Variants in TENM4 observed in about 807,000 individuals in gnomAD.
TENM4 encodes teneurin transmembrane protein 4, also known as teneurin-4.
A neutral mutation model predicts 243.3 loss-of-function variants in TENM4; 82 were observed. The observed-to-expected ratio is 0.34, with a 90% CI of 0.28 to 0.40. The LOEUF (loss-of-function observed/expected upper bound fraction) is 0.40. Ranked by LOEUF, TENM4 falls within the 10% of genes least tolerant of loss-of-function variation. The pLI, the probability that TENM4 is intolerant of heterozygous loss-of-function variation, is 1.00. For missense variants in TENM4, 3,138 were observed against 3,673.3 expected, an observed-to-expected ratio of 0.85 and a Z score of 3.77; for synonymous variants, 1,412 against 1,456.3, an observed-to-expected ratio of 0.97 and a Z score of 0.69.
intron 12 of TENM4, among the ~76,000 whole-genome samples, chr11:78,847,914 C>T (rs1322403672): frequency 2.0e-5 from 3 of 152,128 alleles, no homozygotes; most frequent in Admixed American, 1.3e-4. Flanking sequence ...TGCAAATGCA[C>T]TCAGAGGCAA....
intron 20 of TENM4, 71 bp downstream of exon 20, chr11:78,738,380 C>T: frequency 1.3e-6 from 2 of 1,542,872 alleles, no homozygotes; most frequent in Admixed American, 4.0e-5. Flanking sequence ...ATTATCAGTC[C>T]AGCAGCAGCT....
At chr11:79,284,933 A>G (rs1450349404) in intron 2 of TENM4, among the ~76,000 whole-genome samples, 1 of 152,170 alleles carries the variant, frequency 6.6e-6, no homozygotes, top group Non-Finnish European at 1.5e-5. Flanking sequence ...TTGCCATAAG[A>G]ACATGTAAAG....
intron 4 of TENM4, among the ~76,000 whole-genome samples, chr11:79,133,472 G>C: frequency 6.6e-6 from 1 of 152,058 alleles, no homozygotes; most frequent in East Asian, 1.9e-4. Context: ...ACAAGATCGA[G>C]AAAGAAGGAA....
In TENM4 at chr11:78,844,557, G is replaced by A. The variant is rs142408197; in HGVS notation, c.1681+9547C>T. On this transcript the variant is annotated intron_variant, in intron 12 of 33. Transcript: ENST00000278550. ...CTTGGGAGGCTGAGGCAGGAGAATC[G>A]CTTGAACCAGGCAGGTGGAGTTTGC... is the stretch of plus-strand genomic sequence containing the variant. Among the ~76,000 whole-genome samples, 1,515 of 152,046 alleles carry A rather than the reference G, an allele frequency of 1.0e-2. 17 individuals carry two copies. Among genetic ancestry groups the A allele is most frequent in the African/African-American group, 0.034 (1,400 of 41,446 alleles).
At position 79,264,726 on chromosome 11, in the gene TENM4, C is replaced by T. The variant is rs115107661; in HGVS notation, c.-265+32762G>A. Among the ~76,000 whole-genome samples the T allele has an allele frequency of 3.9e-3, 594 of 152,338 alleles. 2 individuals carry two copies. Among genetic ancestry groups the T allele is most frequent in the African/African-American group, 0.014 (565 of 41,576 alleles). On this transcript the variant is annotated intron_variant, in intron 2 of 33. Transcript: ENST00000278550. ...CACAGGGTAGGACTTGTAGAAAATA[C>T]TTGGATCCCATTCCCATTTCAAACC...
chr11:78,662,194 CTT>C (rs758052978), intron 32 of TENM4, among the ~76,000 whole-genome samples: 21 of 140,792 alleles, frequency 1.5e-4, no homozygotes, highest in Admixed American at 2.1e-4. Context: ...CATTTTCTTT[CTT>C]TTTTTTTTTT....
chr11:78,912,939 G>A (rs926004534), intron 6 of TENM4, among the ~76,000 whole-genome samples: 2 of 152,160 alleles, frequency 1.3e-5, no homozygotes, highest in Admixed American at 6.5e-5. Flanking sequence ...CCCAATCAGC[G>A]GCTAATTTGC....
intron 6 of TENM4, among the ~76,000 whole-genome samples, chr11:78,908,776 G>A (rs780495888): frequency 6.6e-6 from 1 of 152,226 alleles, no homozygotes; most frequent in Non-Finnish European, 1.5e-5. Context: ...CCAGGCAGGG[G>A]CTGCTACCCA....
chr11:79,037,641 AT>A (rs1256344389), intron 6 of TENM4, among the ~76,000 whole-genome samples: 1 of 152,048 alleles, frequency 6.6e-6, no homozygotes, highest in East Asian at 1.9e-4. Flanking sequence ...CATGTCTCAA[AT>A]TTTCTTTGCT....
At chr11:79,395,760 C>T (rs11237821) in intron 1 of TENM4, among the ~76,000 whole-genome samples, 17,610 of 152,194 alleles carry the variant, frequency 0.12, 1,107 homozygotes, top group African/African-American at 0.16. Context: ...ATAACACAGG[C>T]CTTGGGGGGA....
chr11:78,750,208 A>G (rs560671142), intron 19 of TENM4, among the ~76,000 whole-genome samples: 4 of 152,254 alleles, frequency 2.6e-5, no homozygotes, highest in African/African-American at 9.6e-5. Context: ...ACACATACAC[A>G]TGTAACTGAA....
intron 6 of TENM4, among the ~76,000 whole-genome samples, chr11:79,016,522 C>G (rs772607458): frequency 6.6e-6 from 1 of 152,054 alleles, no homozygotes; most frequent in Admixed American, 6.5e-5. Context: ...GCTACACTTT[C>G]AAGCAGAGAT....
intron 6 of TENM4, among the ~76,000 whole-genome samples, chr11:78,934,758 G>C (rs997858921): frequency 6.6e-6 from 1 of 152,216 alleles, no homozygotes; most frequent in African/African-American, 2.4e-5. Flanking sequence ...TAGTTTTCAT[G>C]AGGTGCTATG....
At chr11:78,722,541 C>G (rs1855413255) in intron 24 of TENM4, 127 bp downstream of exon 24, 2 of 1,330,754 alleles carry the variant, frequency 1.5e-6, no homozygotes, top group Non-Finnish European at 1.0e-6. Flanking sequence ...GGTGAAAAGT[C>G]TCAGAGCCTG....
chr11:79,093,939 GT>G (rs935210649), intron 4 of TENM4: 1 of 152,184 alleles, frequency 6.6e-6, no homozygotes, highest in Non-Finnish European at 1.5e-5. Context: ...CCAGGCACAG[GT>G]AGCTGAATTT....
intron 1 of TENM4, among the ~76,000 whole-genome samples, chr11:79,357,731 A>C (rs1857521785): frequency 6.6e-6 from 1 of 152,248 alleles, no homozygotes; most frequent in East Asian, 1.9e-4. Context: ...AACTTCTTCC[A>C]ACCTTCCAAA....
rs772669808 is a variant in TENM4, at chr11:78,669,639, G to C, written c.6706C>G (p.Pro2236Ala). The C allele has an allele frequency of 6.2e-7, 1 of 1,613,918 alleles. No homozygotes were observed. Among genetic ancestry groups the C allele is most frequent in the Non-Finnish European group, 8.5e-7 (1 of 1,179,916 alleles). The part of the protein sequence containing the change: ...LSPGNSARLT[P>A]LRYDIRDRIT... ...CGGTCGCGGATGTCATACCGTAGTG[G>C]TGTGAGCCGTGCACTGTTCCCAGGG... The change falls in exon 32 of 34, where the codon CCA becomes GCA. Residue 2236 changes from proline to alanine, a missense_variant. Transcript: ENST00000278550. The surrounding 1 kb of genome is among the most constrained non-coding windows in gnomAD (Gnocchi z 6.4).
chr11:79,220,792 C>T (rs996473484), intron 2 of TENM4, among the ~76,000 whole-genome samples: 2 of 152,148 alleles, frequency 1.3e-5, no homozygotes, highest in African/African-American at 2.4e-5. Flanking sequence ...ATTCTCAGCA[C>T]ATAGTTCTTT....
intron 1 of TENM4, among the ~76,000 whole-genome samples, chr11:79,410,100 G>A (rs985308572): frequency 6.6e-6 from 1 of 152,158 alleles, no homozygotes; most frequent in Non-Finnish European, 1.5e-5. Flanking sequence ...TTTGTGTTGG[G>A]CCGCATTCAA....
Sources: allele counts gnomAD v4.1 joint callset (sites outside exome capture counted in the v4.1 genomes callset), GRCh38; gene constraint gnomAD v4.1.1; non-coding constraint Gnocchi (gnomAD v3.1); transcripts MANE v1.5; gene names NCBI Gene and HGNC (gene_info 2026-07-23, HGNC 2026-07-21).